The following FLACC1 variants were observed in gnomAD, a reference collection of about 807,000 sequenced individuals.
FLACC1 encodes the protein flagellum associated containing coiled-coil domains 1, also known as flagellum-associated coiled-coil domain-containing protein 1.
In FLACC1, 66 loss-of-function variants were observed where a neutral mutation model predicts 62.8. That is an observed-to-expected ratio of 1.05 (90% CI 0.86 to 1.29). FLACC1 has a LOEUF of 1.29. Among genes scored for constraint, FLACC1 ranks in the 50% most tolerant of loss-of-function variants. The pLI is 0.00. For missense variants in FLACC1, 452 were observed against 489.1 expected (o/e 0.92, Z 0.71); for synonymous variants, 156 against 161.0 (o/e 0.97, Z 0.24).
At chr2:201,349,041 C>A (rs982315302) in intron 3 of FLACC1, among the ~76,000 whole-genome samples, 1 of 152,222 alleles carries the variant, frequency 6.6e-6, no homozygotes, top group Non-Finnish European at 1.5e-5. Flanking sequence ...TGATTAGCAA[C>A]CTTAATTCCA....
At chr2:201,313,641 G>A (rs1351603377) in intron 9 of FLACC1, among the ~76,000 whole-genome samples, 1 of 152,164 alleles carries the variant, frequency 6.6e-6, no homozygotes, top group Admixed American at 6.5e-5. Flanking sequence ...GGTAGCTGAA[G>A]ACAAAGGGCA....
Position 201,307,571 on chromosome 2 carries a change from T to G in FLACC1, c.827A>C (p.Lys276Thr). ...GACAGCACTGCAGGATTCATTTATTTTCTTATCTTCTTCTCCTGACTCCAT... is the reference window on the plus strand; with the variant it reads ...GACAGCACTGCAGGATTCATTTATTGTCTTATCTTCTTCTCCTGACTCCAT... ...FEMESGEEDK[K>T]INESCSAVFE... The change falls in exon 11 of 15, where the codon AAA becomes ACA. Residue 276 changes from lysine to threonine, a missense_variant. Physicochemically the swap from Lys to Thr is moderately conservative, Grantham distance 78. Transcript: ENST00000392257. 1 of 1,614,244 alleles carries G rather than the reference T, an allele frequency of 6.2e-7. No individual in the cohort carries two copies. Among genetic ancestry groups the G allele is most frequent in the Non-Finnish European group, 8.5e-7 (1 of 1,180,036 alleles).
Position 201,309,132 on chromosome 2 carries a change from C to G in FLACC1, c.775+19G>C. On this transcript the variant is annotated intron_variant, in intron 10 of 14. Coordinates refer to ENST00000392257, the MANE Select transcript of FLACC1 (RefSeq NM_001127391.3). ...TTTAATGCACTTGTCATCAAAAAAG[C>G]TAGAGTTTCTGTACTCACTTTGCTG... 2 of 1,602,326 alleles carry G rather than the reference C, an allele frequency of 1.2e-6. No homozygotes were observed. Among genetic ancestry groups the G allele is most frequent in the Non-Finnish European group, 1.7e-6 (2 of 1,169,452 alleles).
chr2:201,334,590 C>G (rs373092534), intron 7 of FLACC1, among the ~76,000 whole-genome samples: 2 of 152,016 alleles, frequency 1.3e-5, no homozygotes, highest in Non-Finnish European at 2.9e-5. Flanking sequence ...TCAAGACCAG[C>G]CTGAGCAACA....
At chr2:201,330,444 A>G (rs761519996) in intron 9 of FLACC1, 26 bp downstream of exon 9, 65 of 1,604,634 alleles carry the variant, frequency 4.1e-5, no homozygotes, top group Non-Finnish European at 5.3e-5. Flanking sequence ...TTCTCTTGTA[A>G]TCCAACAGGG....
At chr2:201,304,800 T>A in intron 11 of FLACC1, among the ~76,000 whole-genome samples, 2 of 152,196 alleles carry the variant, frequency 1.3e-5, no homozygotes, top group Non-Finnish European at 2.9e-5. Context: ...CAATCTGATC[T>A]TTGACAAACC....
intron 9 of FLACC1, among the ~76,000 whole-genome samples, chr2:201,314,738 G>T (rs960732560): frequency 2.6e-5 from 4 of 152,138 alleles, no homozygotes; most frequent in African/African-American, 2.4e-5. Context: ...TTGTCATCAG[G>T]TTATCTAAAG....
chr2:201,289,620 C>A, intron 13 of FLACC1, 54 bp from the exon 14 acceptor site: 1 of 1,612,608 alleles, frequency 6.2e-7, no homozygotes, highest in Non-Finnish European at 8.5e-7. Context: ...CCATCCAGGG[C>A]AGAGCTATAT....
intron 11 of FLACC1, among the ~76,000 whole-genome samples, chr2:201,304,042 C>T (rs1559390722): frequency 1.3e-5 from 2 of 152,178 alleles, no homozygotes; most frequent in Non-Finnish European, 2.9e-5. Context: ...CCTTCTCTCA[C>T]CACTCCTATT....
intron 12 of FLACC1, among the ~76,000 whole-genome samples, chr2:201,297,701 C>T (rs1949894672): frequency 6.6e-6 from 1 of 152,086 alleles, no homozygotes; most frequent in South Asian, 2.1e-4. Context: ...GGGAGGTGAC[C>T]CTTCTAATAG....
chr2:201,319,811 T>C (rs1309236778), intron 9 of FLACC1, among the ~76,000 whole-genome samples: 3 of 152,244 alleles, frequency 2.0e-5, no homozygotes, highest in African/African-American at 7.2e-5. Flanking sequence ...AAAATAGTTG[T>C]AGAGATTCAC....
intron 11 of FLACC1, among the ~76,000 whole-genome samples, chr2:201,306,233 GAA>G (rs1950103906): frequency 6.6e-6 from 1 of 152,062 alleles, no homozygotes; most frequent in Admixed American, 6.6e-5. Context: ...TGGAACAAAA[GAA>G]AGAGAGAGAA....
chr2:201,293,243 A>G (rs913742509), intron 12 of FLACC1, among the ~76,000 whole-genome samples: 8 of 152,158 alleles, frequency 5.3e-5, no homozygotes, highest in South Asian at 2.1e-4. Context: ...CACATCGCAC[A>G]TATTCCAAAA....
At chr2:201,315,972 A>G (rs1375421134) in intron 9 of FLACC1, among the ~76,000 whole-genome samples, 2 of 152,232 alleles carry the variant, frequency 1.3e-5, no homozygotes, top group African/African-American at 4.8e-5. Context: ...CAATGAAATC[A>G]AGATGGAAAT....
Position 201,346,682 on chromosome 2 carries a change from A to T in FLACC1, c.235-7T>A. ...GTGACACGTTGATCACTTCCTAGGC[A>T]TCAAGGGAAAGTAAGATAAAATGGC... On this transcript the variant is annotated splice_polypyrimidine_tract_variant and splice_region_variant and intron_variant, in intron 4 of 14. Transcript: ENST00000392257. This position sits in a 1 kb window ranked among gnomAD's most constrained non-coding sequence, Gnocchi z 4.0. 6.2e-7 allele frequency: 1 copy of T among 1,614,074 alleles called. No individual in the cohort carries two copies. The highest frequency in any genetic ancestry group is 1.3e-5 in the African/African-American group (1 of 75,078).
intron 7 of FLACC1, among the ~76,000 whole-genome samples, chr2:201,332,927 T>C (rs1950623472): frequency 6.6e-6 from 1 of 152,252 alleles, no homozygotes. Context: ...CCATTTTATG[T>C]ATATACCACA....
At chr2:201,351,764 T>G in intron 1 of FLACC1, 1 of 195,888 alleles carries the variant, frequency 5.1e-6, no homozygotes, top group Non-Finnish European at 1.1e-5. Flanking sequence ...GCCAACATGG[T>G]GAAACCCCGT....
intron 5 of FLACC1, 29 bp from the exon 6 acceptor site, chr2:201,344,292 C>A: frequency 6.4e-7 from 1 of 1,565,204 alleles, no homozygotes. Context: ...TTCTATCATC[C>A]ACAAAGCTTA....
chr2:201,344,081 T>C, intron 6 of FLACC1, 89 bp downstream of exon 6: 1 of 1,169,396 alleles, frequency 8.6e-7, no homozygotes, highest in South Asian at 1.4e-5. Flanking sequence ...ATGAGTAAAG[T>C]GCTTGGCATT....
Sources: allele counts gnomAD v4.1 joint callset (sites outside exome capture counted in the v4.1 genomes callset), GRCh38; gene constraint gnomAD v4.1.1; non-coding constraint Gnocchi (gnomAD v3.1); transcripts MANE v1.5; gene names NCBI Gene and HGNC (gene_info 2026-07-23, HGNC 2026-07-21).